GGA2: variants seen among roughly 807,000 people sequenced by gnomAD.
GGA2 encodes golgi associated, gamma adaptin ear containing, ARF binding protein 2, also known as ADP-ribosylation factor-binding protein GGA2.
GGA2 carries 48 observed loss-of-function variants against 79.5 expected under a neutral mutation model. The ratio of observed to expected loss-of-function variants is 0.60; its 90% CI spans 0.48 to 0.77. The LOEUF is 0.77. Ranked by LOEUF, GGA2 falls within the 30% of genes least tolerant of loss-of-function variation. The pLI, the probability that GGA2 is intolerant of heterozygous loss-of-function variation, is 0.00. For synonymous variants in GGA2, 317 were observed against 302.0 expected (o/e 1.05, Z -0.51); for missense variants, 770 against 774.0 (o/e 0.99, Z 0.06).
At chr16:23,516,594 TGCCTAAAACATTTCACTG>T in intron 2 of GGA2, among the ~76,000 whole-genome samples, 1 of 152,166 alleles carries the variant, frequency 6.6e-6, no homozygotes, top group Non-Finnish European at 1.5e-5. Flanking sequence ...GTCATTTCCC[TGCCTAAAACATTTCACTG>T]GCTCTGCACC....
intron 3 of GGA2, chr16:23,494,066 C>T: frequency 1.8e-6 from 1 of 547,794 alleles, no homozygotes; most frequent in South Asian, 2.4e-5. Flanking sequence ...GAAATAAAAC[C>T]TTCCTTTCCT....
rs968610019 is a variant in GGA2, at chr16:23,486,047, C to T, written c.766G>A (p.Gly256Arg). ...QEMLSMYRRP[G>R]QAPPDQEALQ... is the part of the protein sequence containing the mutation. ...GCCTCCTGGTCGGGCGGGGCCTGCC[C>T]TGGCCTGCGGTACATGCTCAGCATC... Residue 256 changes from glycine (G) to arginine (R), a missense_variant, in exon 8 of 17, where the codon GGG (glycine) becomes AGG (arginine). Coordinates refer to ENST00000309859, the MANE Select transcript of GGA2 (RefSeq NM_015044.4). 7.4e-6 allele frequency: 12 copies of T among 1,614,096 alleles called. No homozygotes were observed. In the African/African-American group the frequency reaches 1.3e-4, roughly 18 times the overall value.
At chr16:23,467,837 G>A in intron 16 of GGA2, 137 bp from the exon 17 acceptor site, 1 of 649,316 alleles carries the variant, frequency 1.5e-6, no homozygotes, top group Non-Finnish European at 2.8e-6. Flanking sequence ...TACAAACAAG[G>A]GGAAACAGGC....
At chr16:23,493,326 GAC>G (rs768726964) in intron 4 of GGA2, 32 bp downstream of exon 4, 17 of 1,257,108 alleles carry the variant, frequency 1.4e-5, no homozygotes, top group Non-Finnish European at 2.0e-5. Flanking sequence ...GCGTAGGTGC[GAC>G]ACAGTCAGCA....
upstream of GGA2, chr16:23,523,317 G>T (rs1051615451): frequency 1.3e-5 from 2 of 152,200 alleles, no homozygotes; most frequent in African/African-American, 4.8e-5. Flanking sequence ...CAGCAGAGAT[G>T]ATGACTTATA....
intron 1 of GGA2, among the ~76,000 whole-genome samples, chr16:23,508,546 C>T (rs1965000762): frequency 6.6e-6 from 1 of 152,116 alleles, no homozygotes; most frequent in African/African-American, 2.4e-5. Context: ...ACGTTACAAC[C>T]ACATCCCTCC....
chr16:23,474,380 C>T (rs536838504), intron 14 of GGA2, among the ~76,000 whole-genome samples: 9 of 151,014 alleles, frequency 6.0e-5, no homozygotes, highest in Admixed American at 2.0e-4. Flanking sequence ...TTTTTGGAGA[C>T]GGAGTCTCAC....
Position 23,504,095 on chromosome 16 carries a change from A to T in GGA2, c.91+6226T>A, listed in dbSNP as rs533576618. Among the ~76,000 whole-genome samples the T allele has an allele frequency of 9.2e-5, 14 of 152,236 alleles. No homozygotes were observed. The South Asian group carries it at 2.1e-3, about 23-fold the overall frequency. ...AAACTCCGTCTCAAAAAAAAAAAAAAAAGTACCTACTATGGGTCAGATACC... is the reference window on the plus strand; with the variant it reads ...AAACTCCGTCTCAAAAAAAAAAAAATAAGTACCTACTATGGGTCAGATACC... On this transcript the variant is annotated intron_variant, in intron 1 of 16. Transcript: ENST00000309859.
chr16:23,471,479 T>C (rs563618354), intron 14 of GGA2, among the ~76,000 whole-genome samples: 3 of 152,160 alleles, frequency 2.0e-5, no homozygotes, highest in African/African-American at 7.2e-5. Flanking sequence ...ACAAAACGTG[T>C]GGAACAGATC....
intron 8 of GGA2, among the ~76,000 whole-genome samples, chr16:23,485,167 A>C (rs1964696514): frequency 1.3e-5 from 2 of 152,214 alleles, no homozygotes; most frequent in African/African-American, 4.8e-5. Context: ...ATTTGGACGA[A>C]GCATCCAAAT....
rs1964451187 is a variant in GGA2, at chr16:23,467,387, A to AACACAAACACACACACAC, written c.*202_*203insGTGTGTGTGTGTTTGTGT. 9.7e-6 allele frequency: 3 copies of AACACAAACACACACACAC among 308,086 alleles called. No individual in the cohort carries two copies. The highest frequency in any genetic ancestry group is 8.7e-5 in the African/African-American group (3 of 34,512). 19.1% of individuals were successfully genotyped at this position (308,086 alleles called of 1,614,324 possible). On this transcript the variant is annotated 3_prime_UTR_variant, in exon 17 of 17. Transcript: ENST00000309859. ...GCCCTGTGCTACCACCCTCTCCCCGAACACACACACACACACACACACACA... is the reference window on the plus strand; with the variant it reads ...GCCCTGTGCTACCACCCTCTCCCCGAACACAAACACACACACACACACACACACACACACACACACACA...
upstream of GGA2, among the ~76,000 whole-genome samples, chr16:23,511,078 G>A (rs1163322384): frequency 6.7e-6 from 1 of 150,004 alleles, no homozygotes; most frequent in Non-Finnish European, 1.5e-5. Flanking sequence ...CATGTTGCCC[G>A]GGTGGTCTCG....
chr16:23,496,066 G>A (rs752865862), intron 1 of GGA2, among the ~76,000 whole-genome samples: 4 of 152,062 alleles, frequency 2.6e-5, no homozygotes, highest in Non-Finnish European at 4.4e-5. Context: ...TTGGGAGGCC[G>A]AGGTGGGGGG....
At chr16:23,499,899 A>C (rs1964901503) in intron 1 of GGA2, among the ~76,000 whole-genome samples, 1 of 152,074 alleles carries the variant, frequency 6.6e-6, no homozygotes, top group Non-Finnish European at 1.5e-5. Context: ...GGCCTGGTGA[A>C]CCACGTGCCT....
chr16:23,510,425 A>T lies in GGA2; in HGVS notation c.-14T>A. ...GGTCGCCGCCATCGCTCCAGCCCCG[A>T]CGCTGCGGCCGCGGGCGCCACTGCC... On this transcript the variant is annotated 5_prime_UTR_variant, in exon 1 of 17. Transcript: ENST00000309859. 1.8e-6 allele frequency: 2 copies of T among 1,133,296 alleles called. No homozygotes were observed. The highest frequency in any genetic ancestry group is 2.3e-6 in the Non-Finnish European group (2 of 872,078). 70.2% of individuals were successfully genotyped at this position (1,133,296 alleles called of 1,614,324 possible).
At position 23,464,237 on chromosome 16, in the gene GGA2, AC is replaced by A. The variant is rs898674014; in HGVS notation, c.*3352del. 1.3e-5 allele frequency: 2 copies of A among 152,218 alleles called. No homozygotes were observed. Among genetic ancestry groups the A allele is most frequent in the African/African-American group, 4.8e-5 (2 of 41,454 alleles). 9.4% of individuals were successfully genotyped at this position (152,218 alleles called of 1,614,324 possible). ...TTCAGAGTGGCTCACAGATAAGGAA[AC>A]ATTTTTGCCCAGTCTTAAGTTCATG... On this transcript the variant is annotated 3_prime_UTR_variant, in exon 17 of 17. Coordinates refer to ENST00000309859, the MANE Select transcript of GGA2 (RefSeq NM_015044.4).
At chr16:23,502,285 G>C (rs145026714) in intron 1 of GGA2, among the ~76,000 whole-genome samples, 1 of 152,174 alleles carries the variant, frequency 6.6e-6, no homozygotes. Flanking sequence ...AGGCCCCTAC[G>C]TCATGATTAT....
At chr16:23,502,766 A>G (rs1306140206) in intron 1 of GGA2, among the ~76,000 whole-genome samples, 1 of 152,244 alleles carries the variant, frequency 6.6e-6, no homozygotes, top group Non-Finnish European at 1.5e-5. Flanking sequence ...TGGGAATCCT[A>G]TGGTGCACAG....
At chr16:23,508,733 A>G (rs960520822) in intron 1 of GGA2, among the ~76,000 whole-genome samples, 6 of 152,108 alleles carry the variant, frequency 3.9e-5, no homozygotes, top group African/African-American at 1.4e-4. Context: ...CCAGACTCCC[A>G]AACCGTACGT....
Sources: allele counts gnomAD v4.1 joint callset (sites outside exome capture counted in the v4.1 genomes callset), GRCh38; gene constraint gnomAD v4.1.1; transcripts MANE v1.5; gene names NCBI Gene and HGNC (gene_info 2026-07-23, HGNC 2026-07-21).